Variants in ANO10 observed in about 807,000 individuals in gnomAD.
ANO10 encodes anoctamin 10.
Under a neutral mutation model 74.7 loss-of-function variants are expected in ANO10, and 77 were observed. The ratio of observed to expected loss-of-function variants is 1.03; its 90% CI spans 0.86 to 1.25. The LOEUF is 1.25. ANO10 is among the 50% of genes most tolerant of loss of function. The pLI, the probability that ANO10 is intolerant of heterozygous loss-of-function variation, is 0.00. For missense variants in ANO10, 721 were observed against 778.1 expected, an observed-to-expected ratio of 0.93 and a Z score of 0.87; for synonymous variants, 279 against 284.9, an observed-to-expected ratio of 0.98 and a Z score of 0.21.
intron 1 of ANO10, among the ~76,000 whole-genome samples, chr3:43,652,681 T>TTA (rs1228225278): frequency 9.2e-5 from 14 of 152,138 alleles, no homozygotes; most frequent in Admixed American, 2.0e-4. Context: ...TTAAAAGGAC[T>TTA]TAAATGAGTT....
intron 12 of ANO10, among the ~76,000 whole-genome samples, chr3:43,370,016 C>G (rs182705416): frequency 6.6e-6 from 1 of 152,132 alleles, no homozygotes; most frequent in Non-Finnish European, 1.5e-5. Flanking sequence ...TTGCTATCTA[C>G]CACTCATGAG....
intron 1 of ANO10, among the ~76,000 whole-genome samples, chr3:43,641,917 C>A (rs1334303529): frequency 6.6e-6 from 1 of 152,090 alleles, no homozygotes; most frequent in Non-Finnish European, 1.5e-5. Context: ...TACCACCTAC[C>A]CACCCACCCA....
At position 43,600,575 on chromosome 3, in the gene ANO10, T is replaced by C; in HGVS notation, c.146A>G (p.Gln49Arg). The C allele has an allele frequency of 1.9e-6, 3 of 1,609,914 alleles. No individual in the cohort carries two copies. Among genetic ancestry groups the C allele is most frequent in the Non-Finnish European group, 2.6e-6 (3 of 1,176,248 alleles). ...IIAKKKDGGA[Q>R]LLFRPLLNKY... ...ATTTAACAATGGTCTAAACAACAAC[T>C]GGGCACCTTCAAAAACAAAAGATAA... The change falls in exon 3 of 13, where the codon CAG (glutamine) becomes CGG (arginine). Residue 49 changes from glutamine to arginine, a missense_variant. Coordinates refer to ENST00000292246, the MANE Select transcript of ANO10 (RefSeq NM_018075.5).
chr3:43,650,301 T>C (rs1045144234), intron 1 of ANO10, among the ~76,000 whole-genome samples: 3 of 152,150 alleles, frequency 2.0e-5, no homozygotes, highest in Admixed American at 2.0e-4. Context: ...CTCCTCCCAG[T>C]GTTCCTTCTC....
At chr3:43,422,666 T>C (rs2092836835) in intron 12 of ANO10, among the ~76,000 whole-genome samples, 1 of 152,200 alleles carries the variant, frequency 6.6e-6, no homozygotes, top group Non-Finnish European at 1.5e-5. Context: ...ATGGTAAATT[T>C]TATTCCATTT....
At chr3:43,542,157 T>C (rs1335510692) in intron 11 of ANO10, among the ~76,000 whole-genome samples, 1 of 152,174 alleles carries the variant, frequency 6.6e-6, no homozygotes, top group East Asian at 1.9e-4. Context: ...AATTGTATGG[T>C]GTGTGAGTTA....
At chr3:43,624,709 G>A (rs904526325), upstream of ANO10, among the ~76,000 whole-genome samples, 11 of 152,108 alleles carry the variant, frequency 7.2e-5, no homozygotes, top group African/African-American at 2.4e-4. Context: ...TTTCTTTATA[G>A]CAATATGAGA....
At chr3:43,630,413 C>G (rs1182557231) in intron 1 of ANO10, among the ~76,000 whole-genome samples, 1 of 151,928 alleles carries the variant, frequency 6.6e-6, no homozygotes, top group Non-Finnish European at 1.5e-5. Flanking sequence ...AAAGACACAC[C>G]AGGCAAATAT....
Position 43,577,025 on chromosome 3 carries a change from T to C in ANO10, c.829A>G (p.Met277Val). 2 of 1,614,126 alleles carry C rather than the reference T, an allele frequency of 1.2e-6. No homozygotes were observed. Among genetic ancestry groups the C allele is most frequent in the South Asian group, 2.2e-5 (2 of 91,078 alleles). ...NMTYRWGTLL[M>V]KRKFEEPRPG... is the part of the protein sequence containing the mutation. ...CGGGGCTCCTCAAACTTTCTCTTCA[T>C]GAGCAGTGTCCCCCACCTGTAGGTC... Residue 277 changes from methionine to valine, a missense_variant, in exon 6 of 13, where the codon ATG becomes GTG. Met to Val is a conservative substitution (Grantham distance 21). Transcript: ENST00000292246.
intron 1 of ANO10, among the ~76,000 whole-genome samples, chr3:43,638,237 A>C (rs2083633683): frequency 6.6e-6 from 1 of 152,218 alleles, no homozygotes; most frequent in African/African-American, 2.4e-5. Flanking sequence ...GAGATGAATA[A>C]TTTTCACAAG....
intron 7 of ANO10, among the ~76,000 whole-genome samples, chr3:43,566,892 G>T (rs1019995383): frequency 1.3e-5 from 2 of 152,146 alleles, no homozygotes; most frequent in East Asian, 3.9e-4. Context: ...TCTGAGCTAC[G>T]GGAGGACATT....
At chr3:43,453,245 C>G (rs1032162455) in intron 11 of ANO10, among the ~76,000 whole-genome samples, 1 of 144,298 alleles carries the variant, frequency 6.9e-6, no homozygotes, top group African/African-American at 2.6e-5. Flanking sequence ...GTGGCGTGAT[C>G]TTGGCTCACT....
At chr3:43,485,972 C>A (rs1235249513) in intron 11 of ANO10, 5 of 236,282 alleles carry the variant, frequency 2.1e-5, no homozygotes, top group Non-Finnish European at 4.3e-5. Flanking sequence ...ATATTTTACC[C>A]CAAAGTATAT....
chr3:43,471,864 T>C (rs1362368844), intron 11 of ANO10, among the ~76,000 whole-genome samples: 3 of 152,160 alleles, frequency 2.0e-5, no homozygotes, highest in Admixed American at 2.0e-4. Context: ...CAAGCTGACC[T>C]TGCCTCTTCA....
chr3:43,406,015 A>G (rs569198188), intron 12 of ANO10, among the ~76,000 whole-genome samples: 1 of 152,266 alleles, frequency 6.6e-6, no homozygotes, highest in African/African-American at 2.4e-5. Flanking sequence ...AAGGAAGGGG[A>G]AAAAAAGGAA....
intron 1 of ANO10, among the ~76,000 whole-genome samples, chr3:43,646,181 A>G (rs1303158492): frequency 6.6e-6 from 1 of 152,194 alleles, no homozygotes; most frequent in Non-Finnish European, 1.5e-5. Context: ...CTGCAGAGTC[A>G]TGTTCAAAGT....
At chr3:43,604,291 T>G (rs2082462908) in intron 2 of ANO10, among the ~76,000 whole-genome samples, 1 of 152,144 alleles carries the variant, frequency 6.6e-6, no homozygotes, top group African/African-American at 2.4e-5. Context: ...TCTCAAACAC[T>G]TATCTTTTCT....
chr3:43,517,325 T>C (rs2077752475), intron 11 of ANO10, among the ~76,000 whole-genome samples: 1 of 152,144 alleles, frequency 6.6e-6, no homozygotes, highest in Admixed American at 6.6e-5. Context: ...GCTTGAACTA[T>C]CTGAGGTGAA....
chr3:43,432,336 T>TA (rs1245440359), intron 12 of ANO10, among the ~76,000 whole-genome samples: 2 of 152,224 alleles, frequency 1.3e-5, no homozygotes, highest in East Asian at 3.8e-4. Context: ...GGTTGATTCT[T>TA]AGATGTCTGT....
Sources: allele counts gnomAD v4.1 joint callset (sites outside exome capture counted in the v4.1 genomes callset), GRCh38; gene constraint gnomAD v4.1.1; transcripts MANE v1.5; gene names NCBI Gene and HGNC (gene_info 2026-07-23, HGNC 2026-07-21).